Variants in ERBB4 observed in about 807,000 individuals in gnomAD.
ERBB4 encodes receptor tyrosine-protein kinase erbB-4.
In ERBB4, 42 loss-of-function variants were observed where a neutral mutation model predicts 158.0. The observed-to-expected ratio is 0.27, with a 90% CI of 0.21 to 0.34. The LOEUF (loss-of-function observed/expected upper bound fraction) is 0.34, where lower values mean the gene tolerates loss of function less well. Among genes scored for constraint, ERBB4 ranks in the 10% least tolerant of loss-of-function variants. ERBB4 has a pLI of 1.00. For missense variants in ERBB4, 1,333 were observed against 1,624.1 expected (o/e 0.82, Z 3.08); for synonymous variants, 583 against 558.7 (o/e 1.04, Z -0.61).
At chr2:211,958,892 AG>A (rs1395010391) in intron 2 of ERBB4, among the ~76,000 whole-genome samples, 2 of 152,076 alleles carry the variant, frequency 1.3e-5, no homozygotes, top group African/African-American at 4.8e-5. Context: ...GTATCCTAAA[AG>A]TCTCAAAATC....
intron 3 of ERBB4, among the ~76,000 whole-genome samples, chr2:211,797,854 G>A (rs537019468): frequency 1.2e-4 from 19 of 152,098 alleles, no homozygotes; most frequent in African/African-American, 3.6e-4. Flanking sequence ...TAAATCTGGA[G>A]AAAATCAGGA....
intron 1 of ERBB4, among the ~76,000 whole-genome samples, chr2:212,128,219 T>G (rs561747611): frequency 6.6e-6 from 1 of 152,298 alleles, no homozygotes; most frequent in Non-Finnish European, 1.5e-5. Context: ...TTAATATCCA[T>G]TTTCCAATTC....
chr2:211,785,032 A>T (rs574675280), intron 4 of ERBB4, among the ~76,000 whole-genome samples: 2 of 151,526 alleles, frequency 1.3e-5, no homozygotes, highest in Admixed American at 6.6e-5. Flanking sequence ...TGATTTACAA[A>T]TATTTTTCCC....
intron 19 of ERBB4, among the ~76,000 whole-genome samples, chr2:211,591,731 C>A (rs777515200): frequency 5.3e-5 from 8 of 152,210 alleles, no homozygotes; most frequent in Non-Finnish European, 1.2e-4. Context: ...TAACACCTGA[C>A]ACTGTGCTTG....
intron 16 of ERBB4, among the ~76,000 whole-genome samples, chr2:211,649,168 A>G (rs904904612): frequency 6.6e-6 from 1 of 152,008 alleles, no homozygotes; most frequent in Admixed American, 6.6e-5. Flanking sequence ...CCTACACAGA[A>G]GTAGGCTTAA....
chr2:211,911,406 C>T (rs1300902626), intron 3 of ERBB4, among the ~76,000 whole-genome samples: 1 of 152,072 alleles, frequency 6.6e-6, no homozygotes, highest in East Asian at 1.9e-4. Flanking sequence ...GCTGAGACCA[C>T]AGGTGCCTGC....
chr2:212,130,981 A>G (rs755410524), intron 1 of ERBB4, among the ~76,000 whole-genome samples: 199 of 152,316 alleles, frequency 1.3e-3, no homozygotes, highest in Middle Eastern at 6.8e-3. Context: ...TGCACCTTGG[A>G]TTTATGCATA....
At chr2:211,450,373 T>G (rs2064215179) in intron 20 of ERBB4, among the ~76,000 whole-genome samples, 1 of 152,124 alleles carries the variant, frequency 6.6e-6, no homozygotes, top group Non-Finnish European at 1.5e-5. Flanking sequence ...ATGATTGGAT[T>G]ACATTTTGAG....
chr2:211,770,821 C>T (rs2075673114), intron 4 of ERBB4, among the ~76,000 whole-genome samples: 1 of 152,124 alleles, frequency 6.6e-6, no homozygotes, highest in Non-Finnish European at 1.5e-5. Context: ...TCTTTAAGTG[C>T]CTGTGATATA....
intron 4 of ERBB4, among the ~76,000 whole-genome samples, chr2:211,768,892 G>A (rs1393646879): frequency 3.3e-5 from 5 of 152,184 alleles, no homozygotes; most frequent in Non-Finnish European, 7.3e-5. Flanking sequence ...CAGCCAGCTT[G>A]AATTTCTCAT....
chr2:212,464,892 TCACACA>T (rs148243973), intron 1 of ERBB4, among the ~76,000 whole-genome samples: 7,821 of 146,088 alleles, frequency 0.054, 249 homozygotes, highest in African/African-American at 0.079. Flanking sequence ...AAGGGAAACA[TCACACA>T]CACACACACA....
chr2:212,031,016 C>T (rs140367763), intron 2 of ERBB4, among the ~76,000 whole-genome samples: 6 of 152,168 alleles, frequency 3.9e-5, no homozygotes, highest in South Asian at 2.1e-4. Context: ...ATCCAACATC[C>T]GTCTTCTGCC....
At chr2:212,064,290 A>C (rs893674960) in intron 2 of ERBB4, among the ~76,000 whole-genome samples, 1 of 152,122 alleles carries the variant, frequency 6.6e-6, no homozygotes, top group African/African-American at 2.4e-5. Context: ...GTGTTACACG[A>C]AGTTTAAAAT....
At chr2:212,425,702 G>A (rs1021585254) in intron 1 of ERBB4, among the ~76,000 whole-genome samples, 16 of 151,786 alleles carry the variant, frequency 1.1e-4, no homozygotes, top group Non-Finnish European at 2.1e-4. Flanking sequence ...TGGTTACACT[G>A]TATGTATCTT....
At chr2:211,871,641 A>G (rs2078348714) in intron 3 of ERBB4, among the ~76,000 whole-genome samples, 1 of 152,200 alleles carries the variant, frequency 6.6e-6, no homozygotes, top group Non-Finnish European at 1.5e-5. Context: ...GTATAGGACA[A>G]TATTTCAAAT....
chr2:212,532,260 T>G (rs1001362011), intron 1 of ERBB4, among the ~76,000 whole-genome samples: 1 of 152,198 alleles, frequency 6.6e-6, no homozygotes, highest in African/African-American at 2.4e-5. Context: ...TGGTTTCTAG[T>G]GCCGGACTTC....
Position 211,640,755 on chromosome 2 carries a change from C to T in ERBB4, c.1947-10161G>A, listed in dbSNP as rs529523759. Among the ~76,000 whole-genome samples, 30 of 152,146 alleles carry T rather than the reference C, an allele frequency of 2.0e-4. No individual in the cohort carries two copies. The South Asian group carries it at 6.0e-3, about 31-fold the overall frequency. On this transcript the variant is annotated intron_variant, in intron 16 of 27. Coordinates refer to ENST00000342788, the MANE Select transcript of ERBB4 (RefSeq NM_005235.3). Reference sequence around the variant, plus strand: ...TAGTTTAGCTGACTGTTTTAAAAGTCCTCATGAGTAATAGTGAAAGACAGA... The same window carrying T: ...TAGTTTAGCTGACTGTTTTAAAAGTTCTCATGAGTAATAGTGAAAGACAGA...
intron 1 of ERBB4, among the ~76,000 whole-genome samples, chr2:212,317,158 C>T (rs1329522639): frequency 6.6e-6 from 1 of 151,318 alleles, no homozygotes; most frequent in Non-Finnish European, 1.5e-5. Flanking sequence ...CTTTTGTTTC[C>T]AGTAAGTTCA....
At chr2:211,621,363 AAGCCAATTT>A (rs1261030406) in intron 18 of ERBB4, among the ~76,000 whole-genome samples, 1 of 152,166 alleles carries the variant, frequency 6.6e-6, no homozygotes, top group Non-Finnish European at 1.5e-5. Context: ...ATAATTGGTT[AAGCCAATTT>A]GCACTTCTAT....
Sources: allele counts gnomAD v4.1 joint callset (sites outside exome capture counted in the v4.1 genomes callset), GRCh38; gene constraint gnomAD v4.1.1; transcripts MANE v1.5; gene names NCBI Gene and HGNC (gene_info 2026-07-23, HGNC 2026-07-21).